CDH18: variants seen among roughly 807,000 people sequenced by gnomAD.
CDH18 encodes cadherin 18.
A neutral mutation model predicts 67.9 loss-of-function variants in CDH18; 31 were observed. That is an observed-to-expected ratio of 0.46 (90% confidence interval 0.34 to 0.62). The LOEUF is 0.62. Ranked by LOEUF, CDH18 falls within the 20% of genes least tolerant of loss-of-function variation. The pLI is 0.01. For synonymous variants in CDH18, 362 were observed against 347.2 expected (o/e 1.04, Z -0.48); for missense variants, 890 against 975.5 (o/e 0.91, Z 1.17).
chr5:20,039,171 A>G (rs1168297087), intron 2 of CDH18, among the ~76,000 whole-genome samples: 1 of 152,158 alleles, frequency 6.6e-6, no homozygotes, highest in Admixed American at 6.5e-5. Context: ...AGAACTACAA[A>G]CCACTGCTCA....
chr5:19,643,859 A>G (rs1195794034), intron 5 of CDH18, among the ~76,000 whole-genome samples: 1 of 152,224 alleles, frequency 6.6e-6, no homozygotes, highest in African/African-American at 2.4e-5. Flanking sequence ...CAAACACAAA[A>G]GGTAACTTTC....
In CDH18 at chr5:19,621,314, C is replaced by T. The variant is rs566839919; in HGVS notation, c.644-8713G>A. 3.3e-5 allele frequency among the ~76,000 whole-genome samples: 5 copies of T among 151,690 alleles called. No homozygotes were observed. In the East Asian group the frequency reaches 7.8e-4, roughly 24 times the overall value. ...TTGAATTCCTATGCCGTTTCATTCCCACCAACAGTATGGCTCTCCAACCTC... is the reference window on the plus strand; with the variant it reads ...TTGAATTCCTATGCCGTTTCATTCCTACCAACAGTATGGCTCTCCAACCTC... On this transcript the variant is annotated intron_variant, in intron 5 of 12. Coordinates refer to ENST00000382275, the MANE Select transcript of CDH18 (RefSeq NM_004934.5).
intron 1 of CDH18, among the ~76,000 whole-genome samples, chr5:19,985,556 G>C (rs1189868041): frequency 2.0e-5 from 3 of 151,836 alleles, no homozygotes; most frequent in Non-Finnish European, 4.4e-5. Context: ...GTAGAGAATA[G>C]GTATGCTACT....
chr5:20,487,954 C>G (rs1187640564), intron 1 of CDH18, among the ~76,000 whole-genome samples: 1 of 152,074 alleles, frequency 6.6e-6, no homozygotes, highest in Non-Finnish European at 1.5e-5. Context: ...CTGTGGAAGT[C>G]TCCTCCAGCT....
chr5:20,514,601 G>T (rs1241048664), intron 1 of CDH18, among the ~76,000 whole-genome samples: 1 of 151,998 alleles, frequency 6.6e-6, no homozygotes, highest in South Asian at 2.1e-4. Context: ...ATGTGCTTGG[G>T]TTGCATGTGT....
At chr5:19,501,398 T>C (rs994030219) in intron 11 of CDH18, among the ~76,000 whole-genome samples, 1 of 149,192 alleles carries the variant, frequency 6.7e-6, no homozygotes, top group Non-Finnish European at 1.5e-5. Flanking sequence ...AGGTCAGGAG[T>C]TCGAGATCAG....
intron 6 of CDH18, among the ~76,000 whole-genome samples, chr5:19,602,726 G>T (rs1326985958): frequency 2.6e-5 from 4 of 151,974 alleles, no homozygotes; most frequent in Non-Finnish European, 5.9e-5. Flanking sequence ...CATTTTGGGT[G>T]GCCAAGGCAG....
At chr5:19,735,050 A>G (rs1768123824) in intron 4 of CDH18, among the ~76,000 whole-genome samples, 1 of 152,212 alleles carries the variant, frequency 6.6e-6, no homozygotes, top group Non-Finnish European at 1.5e-5. Flanking sequence ...ACTACCCTCC[A>G]TAACACAGGT....
intron 1 of CDH18, among the ~76,000 whole-genome samples, chr5:20,354,315 G>A (rs373339107): frequency 6.6e-6 from 1 of 152,056 alleles, no homozygotes; most frequent in African/African-American, 2.4e-5. Context: ...TTTAACATAC[G>A]TTAAATTTAG....
intron 8 of CDH18, among the ~76,000 whole-genome samples, chr5:19,548,020 C>T (rs1443464042): frequency 6.6e-6 from 1 of 152,060 alleles, no homozygotes; most frequent in East Asian, 1.9e-4. Context: ...TAAGAAGTGA[C>T]ATGGGACCAT....
At chr5:19,699,787 A>G (rs186712482) in intron 5 of CDH18, among the ~76,000 whole-genome samples, 1 of 152,166 alleles carries the variant, frequency 6.6e-6, no homozygotes, top group African/African-American at 2.4e-5. Flanking sequence ...AGTCTTCAGA[A>G]CTGTGAGAAA....
chr5:19,603,883 T>G (rs1435790352), intron 6 of CDH18, among the ~76,000 whole-genome samples: 1 of 150,910 alleles, frequency 6.6e-6, no homozygotes, highest in Non-Finnish European at 1.5e-5. Flanking sequence ...TTAGAATTTT[T>G]TTTACTTTTT....
chr5:19,495,251 C>T (rs949245923), intron 11 of CDH18, among the ~76,000 whole-genome samples: 3 of 152,158 alleles, frequency 2.0e-5, no homozygotes, highest in African/African-American at 7.2e-5. Flanking sequence ...AATATCCAGG[C>T]AGCAATCATC....
chr5:20,285,326 T>C (rs1746602198), intron 1 of CDH18, among the ~76,000 whole-genome samples: 1 of 150,178 alleles, frequency 6.7e-6, no homozygotes, highest in African/African-American at 2.4e-5. Flanking sequence ...CTCAAGGATT[T>C]TGTTTTTTTG....
intron 2 of CDH18, among the ~76,000 whole-genome samples, chr5:19,844,169 G>C (rs1275554907): frequency 6.6e-6 from 1 of 152,142 alleles, no homozygotes; most frequent in Admixed American, 6.6e-5. Flanking sequence ...GCTTTGAAAT[G>C]TGAAAAAGAC....
chr5:20,339,913 A>G (rs1361071534), intron 1 of CDH18, among the ~76,000 whole-genome samples: 1 of 152,220 alleles, frequency 6.6e-6, no homozygotes, highest in Non-Finnish European at 1.5e-5. Flanking sequence ...AAATTTGAAG[A>G]CAAACTTTGT....
At chr5:20,080,075 T>C (rs1487110497) in intron 2 of CDH18, among the ~76,000 whole-genome samples, 1 of 152,094 alleles carries the variant, frequency 6.6e-6, no homozygotes, top group East Asian at 1.9e-4. Flanking sequence ...GGAACGCAAA[T>C]ATTCAGTTCA....
chr5:19,833,713 G>A (rs1278895728), intron 3 of CDH18, among the ~76,000 whole-genome samples: 1 of 152,110 alleles, frequency 6.6e-6, no homozygotes, highest in Non-Finnish European at 1.5e-5. Flanking sequence ...CTAGTTTATT[G>A]AGAGTTTTTA....
At chr5:19,493,537 G>GGTGTGT (rs67879363) in intron 11 of CDH18, among the ~76,000 whole-genome samples, 2,935 of 148,012 alleles carry the variant, frequency 0.02, 43 homozygotes, top group Non-Finnish European at 0.024. Context: ...AGGGAATTGG[G>GGTGTGT]GTGTGTGTGT....
Sources: gnomAD v4.1 joint callset for allele counts (sites outside exome capture counted in the v4.1 genomes callset) on GRCh38, gnomAD v4.1.1 for gene constraint, MANE v1.5 for transcripts, NCBI Gene and HGNC (gene_info 2026-07-23, HGNC 2026-07-21) for gene names.